The following TMPRSS11A variants were observed in gnomAD, a reference collection of about 807,000 sequenced individuals.
The protein encoded by TMPRSS11A is transmembrane serine protease 11A.
In TMPRSS11A, 53 loss-of-function variants were observed where a neutral mutation model predicts 58.9. The ratio of observed to expected loss-of-function variants is 0.90; its 90% CI spans 0.72 to 1.13. The LOEUF is 1.13. Among genes scored for constraint, TMPRSS11A ranks in the 50% most tolerant of loss-of-function variants. The pLI, the probability that TMPRSS11A is intolerant of heterozygous loss-of-function variation, is 0.00. For missense variants in TMPRSS11A, 493 were observed against 499.3 expected (o/e 0.99, Z 0.12); for synonymous variants, 167 against 169.8 (o/e 0.98, Z 0.13).
intron 1 of TMPRSS11A, among the ~76,000 whole-genome samples, chr4:67,958,157 C>A (rs1269320671): frequency 6.6e-6 from 1 of 152,174 alleles, no homozygotes; most frequent in Non-Finnish European, 1.5e-5. Context: ...CAGAAGTGAA[C>A]TATCAAGTCA....
intron 3 of TMPRSS11A, among the ~76,000 whole-genome samples, chr4:67,934,090 G>T (rs1042251282): frequency 2.6e-4 from 39 of 152,136 alleles, no homozygotes; most frequent in African/African-American, 7.2e-4. Flanking sequence ...AGTAACTTTG[G>T]TGATCACAAT....
rs1721418705 is a variant in TMPRSS11A, at chr4:67,961,482, C to CTTTTTTTTTTTT, written c.11+1900_11+1901insAAAAAAAAAAAA. Among the ~76,000 whole-genome samples, 5 of 102,454 alleles carry CTTTTTTTTTTTT rather than the reference C, an allele frequency of 4.9e-5. 2 individuals are homozygous for CTTTTTTTTTTTT. Among genetic ancestry groups the CTTTTTTTTTTTT allele is most frequent in the African/African-American group, 2.4e-4 (5 of 20,958 alleles). The allele number at this position is 102,454 out of a possible 152,430, so 67.2% of individuals were successfully genotyped here. The stretch of plus-strand genomic sequence containing the variant: ...CTTTTCTTTCCTTTCCTTTTCTTTT[C>CTTTTTTTTTTTT]CTTTTTTTTTTTTTTTTTTTTTTTT... On this transcript the variant is annotated intron_variant, in intron 1 of 9. Coordinates refer to ENST00000508048, the MANE Select transcript of TMPRSS11A (RefSeq NM_001114387.2).
At chr4:67,935,354 T>C (rs1720725867) in intron 3 of TMPRSS11A, among the ~76,000 whole-genome samples, 1 of 152,196 alleles carries the variant, frequency 6.6e-6, no homozygotes, top group South Asian at 2.1e-4. Context: ...CTTCTCATTC[T>C]GCAAGTTCTG....
At chr4:67,961,230 G>A (rs1721412463) in intron 1 of TMPRSS11A, among the ~76,000 whole-genome samples, 1 of 152,120 alleles carries the variant, frequency 6.6e-6, no homozygotes, top group East Asian at 1.9e-4. Flanking sequence ...AGTAAGAATG[G>A]CTAGCATGAC....
intron 2 of TMPRSS11A, among the ~76,000 whole-genome samples, chr4:67,945,623 A>G (rs1720984518): frequency 6.6e-6 from 1 of 152,216 alleles, no homozygotes; most frequent in Non-Finnish European, 1.5e-5. Context: ...GCCTAGGACT[A>G]TGATCTTAAG....
chr4:67,914,393 T>C (rs1050288238), intron 9 of TMPRSS11A, among the ~76,000 whole-genome samples, 195 bp downstream of exon 9: 1 of 152,224 alleles, frequency 6.6e-6, no homozygotes, highest in Non-Finnish European at 1.5e-5. Context: ...GTTTGTTTGA[T>C]AGCATCAGAG....
chr4:67,961,905 A>G (rs1037493915), intron 1 of TMPRSS11A, among the ~76,000 whole-genome samples: 4 of 151,550 alleles, frequency 2.6e-5, no homozygotes, highest in Non-Finnish European at 5.9e-5. Flanking sequence ...AGCTGCAAAC[A>G]CTCCTATAAA....
intron 1 of TMPRSS11A, among the ~76,000 whole-genome samples, chr4:67,953,795 C>CAA (rs11420763): frequency 0.014 from 2,070 of 144,198 alleles, 59 homozygotes; most frequent in African/African-American, 0.049. Flanking sequence ...AACTCCATCT[C>CAA]AAAAAAAAAA....
rs1720508872 is a variant in TMPRSS11A at position 67,927,629 on chromosome 4, G to A, written c.481+2251C>T. Among the ~76,000 whole-genome samples the A allele has an allele frequency of 2.6e-5, 4 of 152,324 alleles. No individual in the cohort carries two copies. The South Asian group carries it at 8.3e-4, about 32-fold the overall frequency. ...GTCAAGTGGGCAGAACAAGCCCAGTGGGCCAGAGCAAAACTTGGGCAAAGG... is the reference window on the plus strand; with the variant it reads ...GTCAAGTGGGCAGAACAAGCCCAGTAGGCCAGAGCAAAACTTGGGCAAAGG... On this transcript the variant is annotated intron_variant, in intron 5 of 9. Transcript: ENST00000508048.
chr4:67,914,491 A>G (rs2109732667), intron 9 of TMPRSS11A, 97 bp downstream of exon 9: 1 of 1,119,440 alleles, frequency 8.9e-7, no homozygotes, highest in Non-Finnish European at 1.3e-6. Context: ...AGCTGACATG[A>G]TATCTATGTT....
intron 5 of TMPRSS11A, 57 bp downstream of exon 5, chr4:67,929,823 C>T: frequency 1.5e-6 from 2 of 1,358,240 alleles, no homozygotes; most frequent in Admixed American, 4.5e-5. Context: ...ATTTGAGATT[C>T]GTCAAAACAT....
chr4:67,914,463 G>T, intron 9 of TMPRSS11A, 125 bp downstream of exon 9: 1 of 801,062 alleles, frequency 1.2e-6, no homozygotes, highest in Non-Finnish European at 2.0e-6. Flanking sequence ...TGTGAAATTT[G>T]CATTTGTAAC....
At chr4:67,944,230 A>G (rs1560571663) in intron 3 of TMPRSS11A, among the ~76,000 whole-genome samples, 2 of 152,126 alleles carry the variant, frequency 1.3e-5, no homozygotes, top group Non-Finnish European at 2.9e-5. Context: ...GAAATGGGCT[A>G]GGATATCTTG....
intron 7 of TMPRSS11A, among the ~76,000 whole-genome samples, chr4:67,920,227 A>T (rs972251714): frequency 6.6e-5 from 10 of 152,120 alleles, no homozygotes; most frequent in Non-Finnish European, 1.3e-4. Flanking sequence ...ACTGTGTTTT[A>T]TACTTAAGGA....
Position 67,910,629 on chromosome 4 carries a change from C to G in TMPRSS11A, c.*713G>C, listed in dbSNP as rs1719941430. 6.6e-6 allele frequency: 1 copy of G among 151,998 alleles called. No homozygotes were observed. Among genetic ancestry groups the G allele is most frequent in the African/African-American group, 2.4e-5 (1 of 41,416 alleles). 9.4% of individuals were successfully genotyped at this position (151,998 alleles called of 1,614,324 possible). ...ATATAGTTTTGATTAACTAATCACT[C>G]TATCTATCTATATATAATTCATTAA... On this transcript the variant is annotated 3_prime_UTR_variant, in exon 10 of 10. Transcript: ENST00000508048.
At position 67,941,074 on chromosome 4, in the gene TMPRSS11A, C is replaced by A. The variant is rs146057116; in HGVS notation, c.252+3445G>T. Among the ~76,000 whole-genome samples the A allele has an allele frequency of 2.6e-5, 4 of 152,276 alleles. No individual in the cohort carries two copies. In the East Asian group the frequency reaches 7.7e-4, roughly 29 times the overall value. On this transcript the variant is annotated intron_variant, in intron 3 of 9. Transcript: ENST00000508048. Reference sequence around the variant, plus strand: ...TGATATGAGAGATGAGATATGTCTGCTCCACTATCTCAGGGAACAGGGGCG... The same window carrying A: ...TGATATGAGAGATGAGATATGTCTGATCCACTATCTCAGGGAACAGGGGCG...
In TMPRSS11A at chr4:67,920,549, A is replaced by ATATATATATATATATATATATT. The variant is rs371252656; in HGVS notation, c.693-1318_693-1317insAATATATATATATATATATATA. Among the ~76,000 whole-genome samples, 4 of 130,896 alleles carry ATATATATATATATATATATATT rather than the reference A, an allele frequency of 3.1e-5. No individual in the cohort carries two copies. The South Asian group carries it at 9.7e-4, about 32-fold the overall frequency. The allele number at this position is 130,896 out of a possible 152,430, so 85.9% of individuals were successfully genotyped here. On this transcript the variant is annotated intron_variant, in intron 7 of 9. Coordinates refer to ENST00000508048, the MANE Select transcript of TMPRSS11A (RefSeq NM_001114387.2). The stretch of plus-strand genomic sequence containing the variant: ...TAATTATATATATATATATATATAT[A>ATATATATATATATATATATATT]TTTTTTTTTATATATACACACACAC...
At chr4:67,938,740 G>T (rs1216733573) in intron 3 of TMPRSS11A, among the ~76,000 whole-genome samples, 1 of 151,886 alleles carries the variant, frequency 6.6e-6, no homozygotes, top group Non-Finnish European at 1.5e-5. Flanking sequence ...TTTATTTCTG[G>T]GTTCTCTATT....
intron 1 of TMPRSS11A, among the ~76,000 whole-genome samples, chr4:67,959,690 G>T (rs963216526): frequency 6.6e-6 from 1 of 152,232 alleles, no homozygotes; most frequent in African/African-American, 2.4e-5. Flanking sequence ...TGGCAAGGCT[G>T]CAGAGAAAAG....
Sources: allele counts gnomAD v4.1 joint callset (sites outside exome capture counted in the v4.1 genomes callset), GRCh38; gene constraint gnomAD v4.1.1; transcripts MANE v1.5; gene names NCBI Gene and HGNC (gene_info 2026-07-23, HGNC 2026-07-21).